Variants in MAMDC4 observed in about 807,000 individuals in gnomAD.
MAMDC4 encodes the protein MAM domain containing 4.
Under a neutral mutation model 153.3 loss-of-function variants are expected in MAMDC4, and 168 were observed. That is an observed-to-expected ratio of 1.10 (90% CI 0.97 to 1.25). The LOEUF (loss-of-function observed/expected upper bound fraction) is 1.25, where lower values mean the gene tolerates loss of function less well. MAMDC4 is among the 50% of genes most tolerant of loss of function. MAMDC4 has a pLI of 0.00. For missense variants in MAMDC4, 1,701 were observed against 1,542.8 expected, an observed-to-expected ratio of 1.10 and a Z score of -1.72; for synonymous variants, 744 against 651.5, an observed-to-expected ratio of 1.14 and a Z score of -2.16.
At position 136,853,592 on chromosome 9, in the gene MAMDC4, G is replaced by A. The variant is rs142181361; in HGVS notation, c.376G>A (p.Ala126Thr). 1.4e-4 allele frequency: 224 copies of A among 1,612,514 alleles called. No homozygotes were observed. The highest frequency in any genetic ancestry group is 1.7e-4 in the Non-Finnish European group (197 of 1,179,914). ...GTHRGKEASTAALRSPTLREA... is the reference protein window; with the variant it reads ...GTHRGKEASTTALRSPTLREA... The stretch of plus-strand genomic sequence containing the variant: ...CCACCGAGGGAAAGAGGCATCCACC[G>A]CAGCCCTGCGCTCGCCAACCCTGCG... The change falls in exon 4 of 27, where the codon GCA (alanine) becomes ACA (threonine). Residue 126 changes from alanine (A) to threonine (T), a missense_variant. Physicochemically the swap from Ala to Thr is moderately conservative, Grantham distance 58. Transcript: ENST00000317446.
intron 25 of MAMDC4, 113 bp downstream of exon 25, chr9:136,859,430 C>T (rs1234053089): frequency 5.2e-6 from 5 of 960,008 alleles, no homozygotes; most frequent in Non-Finnish European, 7.6e-6. Flanking sequence ...ATGCTGCACC[C>T]AGACAGGACA....
Position 136,856,827 on chromosome 9 carries a change from G to T in MAMDC4, c.1837+1G>T, listed in dbSNP as rs1486732604. On this transcript the variant is annotated splice_donor_variant, in intron 15 of 26. Transcript: ENST00000317446. LOFTEE classifies it high-confidence loss of function. The stretch of plus-strand genomic sequence containing the variant: ...GACCACGACCACACCACAGGCCAAG[G>T]TAGGATGGGCGCTCAGACCGGGGGT... 1 of 1,612,464 alleles carries T rather than the reference G, an allele frequency of 6.2e-7. No homozygotes were observed. The highest frequency in any genetic ancestry group is 8.5e-7 in the Non-Finnish European group (1 of 1,179,816).
chr9:136,858,943 C>T, intron 23 of MAMDC4, 62 bp from the exon 24 acceptor site: 3 of 1,524,578 alleles, frequency 2.0e-6, no homozygotes, highest in Non-Finnish European at 1.8e-6. Flanking sequence ...CCAGCCCGCC[C>T]CTGGTTAGGC....
intron 1 of MAMDC4, 27 bp from the exon 2 acceptor site, chr9:136,853,075 G>A: frequency 6.2e-7 from 1 of 1,604,828 alleles, no homozygotes; most frequent in Non-Finnish European, 8.5e-7. Flanking sequence ...CTGCCCCCAG[G>A]CCACCTGGCT....
rs766012995 is a variant in MAMDC4, at chr9:136,853,513, T to C, written c.329-32T>C. On this transcript the variant is annotated intron_variant, in intron 3 of 26. Coordinates refer to ENST00000317446, the MANE Select transcript of MAMDC4 (RefSeq NM_206920.3). ...CTGTCCCAATACCCTCCTTGCTCCC[T>C]GCCCCGTCTCCTGACCTCTCACCTG... 2.5e-6 allele frequency: 4 copies of C among 1,612,282 alleles called. No individual in the cohort carries two copies. In the East Asian group the frequency reaches 6.7e-5, roughly 27 times the overall value.
intron 14 of MAMDC4, chr9:136,856,465 T>A: frequency 1.3e-6 from 1 of 781,422 alleles, no homozygotes; most frequent in South Asian, 1.4e-5. Flanking sequence ...CCCATGAAGC[T>A]GGAGTTTGTC....
In MAMDC4 at chr9:136,858,162, G is replaced by GCTGCC. The variant is rs1185503422; in HGVS notation, c.2584-14_2584-10dup. On this transcript the variant is annotated intron_variant, in intron 20 of 26. Transcript: ENST00000317446. ...CCGAGGGCTGCCTGGACCCGCTGAG[G>GCTGCC]CTGCCCTGCCCTGCACCCGCCAGGT... 1.8e-5 allele frequency: 28 copies of GCTGCC among 1,557,178 alleles called. No individual in the cohort carries two copies. In the East Asian group the frequency reaches 6.4e-4, roughly 36 times the overall value.
At position 136,860,633 on chromosome 9, in the gene MAMDC4, C is replaced by G. The variant is rs200598980; in HGVS notation, c.*30C>G. On this transcript the variant is annotated 3_prime_UTR_variant, in exon 27 of 27. Transcript: ENST00000317446. The stretch of plus-strand genomic sequence containing the variant: ...CCCCAGACAAGGCCCCGCTTCCTCA[C>G]GTGACATCCAGCACTTGGTCAGACC... 1.2e-6 allele frequency: 2 copies of G among 1,612,866 alleles called. No individual in the cohort carries two copies. Among genetic ancestry groups the G allele is most frequent in the Admixed American group, 1.7e-5 (1 of 59,980 alleles).
chr9:136,852,649 T>C (rs1035563417), intron 1 of MAMDC4, among the ~76,000 whole-genome samples, 187 bp downstream of exon 1: 7 of 152,124 alleles, frequency 4.6e-5, no homozygotes, highest in Admixed American at 2.6e-4. Flanking sequence ...TCCTCGGGCC[T>C]GCCAAGCAAA....
Position 136,854,681 on chromosome 9 carries a change from G to A in MAMDC4, c.934+5G>A. 1 of 1,611,004 alleles carries A rather than the reference G, an allele frequency of 6.2e-7. No individual in the cohort carries two copies. Among genetic ancestry groups the A allele is most frequent in the Non-Finnish European group, 8.5e-7 (1 of 1,179,214 alleles). ...ACAGCCGGAACAGTGCACAGGGTGA[G>A]GCCCACAGAGGACCCGGCCCAGGCC... is the stretch of plus-strand genomic sequence containing the variant. On this transcript the variant is annotated splice_donor_5th_base_variant and intron_variant, in intron 8 of 26. Coordinates refer to ENST00000317446, the MANE Select transcript of MAMDC4 (RefSeq NM_206920.3).
rs778738351 is a variant in MAMDC4 at position 136,857,434 on chromosome 9, C to T, written c.2174C>T (p.Pro725Leu). 33 of 1,608,208 alleles carry T rather than the reference C, an allele frequency of 2.1e-5. No homozygotes were observed. Among genetic ancestry groups the T allele is most frequent in the South Asian group, 7.7e-5 (7 of 91,094 alleles). ...TMALDDVAVR[P>L]GPCWAPNYCS... ...GCGCTGGACGATGTGGCCGTGCGGCCGGGCCCCTGCTGGGCCCCTAATTAC... is the reference window on the plus strand; with the variant it reads ...GCGCTGGACGATGTGGCCGTGCGGCTGGGCCCCTGCTGGGCCCCTAATTAC... The change falls in exon 18 of 27, where the codon CCG (proline) becomes CTG (leucine). Residue 725 changes from proline (P) to leucine (L), a missense_variant. Physicochemically the swap from Pro to Leu is moderately conservative, Grantham distance 98 (BLOSUM62 -3). Coordinates refer to ENST00000317446, the MANE Select transcript of MAMDC4 (RefSeq NM_206920.3).
At position 136,857,372 on chromosome 9, in the gene MAMDC4, G is replaced by A. The variant is rs756808641; in HGVS notation, c.2112G>A (p.Leu704=). ...CTGACACCCTCCACCCCCAGCTGCT[G>A]TTCGAGGGCCTCCGGGACGGATACC... ...QPGSHAQYQL[L]FEGLRDGYHG... is the part of the protein sequence containing the mutation. Residue 704 remains leucine, a synonymous_variant, in exon 18 of 27, where the codon CTG becomes CTA. Transcript: ENST00000317446. 4 of 1,608,304 alleles carry A rather than the reference G, an allele frequency of 2.5e-6. No individual in the cohort carries two copies. The highest frequency in any genetic ancestry group is 2.2e-5 in the East Asian group (1 of 44,870).
rs780899078 is a variant in MAMDC4, at chr9:136,856,014, C to T, written c.1589-4C>T. The T allele has an allele frequency of 1.6e-5, 26 of 1,609,054 alleles. No individual in the cohort carries two copies. In the Admixed American group the frequency reaches 4.2e-4, roughly 26 times the overall value. On this transcript the variant is annotated splice_region_variant and splice_polypyrimidine_tract_variant and intron_variant, in intron 13 of 26. Transcript: ENST00000317446. ...AGGCTCTGAGCACCATGCTCTTCCC[C>T]TAGGGCACTTCCTGTCTCTGCAGCG...
At chr9:136,857,939 C>T in intron 19 of MAMDC4, 40 bp from the exon 20 acceptor site, 1 of 1,474,882 alleles carries the variant, frequency 6.8e-7, no homozygotes, top group Non-Finnish European at 9.0e-7. Flanking sequence ...CCTGCAGGTG[C>T]TCTCCCCACA....
At position 136,858,554 on chromosome 9, in the gene MAMDC4, C is replaced by T. The variant is rs769448238; in HGVS notation, c.2821+8C>T. 1 of 1,564,406 alleles carries T rather than the reference C, an allele frequency of 6.4e-7. No homozygotes were observed. The highest frequency in any genetic ancestry group is 2.3e-5 in the East Asian group (1 of 43,294). The stretch of plus-strand genomic sequence containing the variant: ...CCCTGGGCACAGAGGCAGGTACGTG[C>T]CCACTGGAGCCAGGTGGGGAGGCAC... On this transcript the variant is annotated splice_region_variant and intron_variant, in intron 22 of 26. Coordinates refer to ENST00000317446, the MANE Select transcript of MAMDC4 (RefSeq NM_206920.3).
In MAMDC4 at chr9:136,859,156, G is replaced by A. The variant is rs760002540; in HGVS notation, c.3084+24G>A. 18 of 1,585,196 alleles carry A rather than the reference G, an allele frequency of 1.1e-5. No individual in the cohort carries two copies. The Admixed American group carries it at 3.1e-4, about 28-fold the overall frequency. Reference sequence around the variant, plus strand: ...AGGTGAGGCTGGCTGTGGGCAAGGAGCCTCCTCCTCCTCCACCCAGGGCCC... The same window carrying A: ...AGGTGAGGCTGGCTGTGGGCAAGGAACCTCCTCCTCCTCCACCCAGGGCCC... On this transcript the variant is annotated intron_variant, in intron 24 of 26. Transcript: ENST00000317446.
chr9:136,858,064 C>T lies in MAMDC4; in HGVS notation c.2550C>T (p.Gly850=), dbSNP rs1426415849. The T allele has an allele frequency of 2.6e-6, 4 of 1,530,242 alleles. No individual in the cohort carries two copies. The East Asian group carries it at 7.4e-5, about 28-fold the overall frequency. 94.8% of individuals were successfully genotyped at this position (1,530,242 alleles called of 1,614,324 possible). The part of the protein sequence containing the change: ...SAHGGLAWRL[G]SMDVQAERAW... ...ACGGCGGGCTTGCCTGGCGCCTGGG[C>T]AGCATGGACGTGCAGGCCGAGCGAG... Residue 850 remains glycine, a synonymous_variant, in exon 20 of 27, where the codon GGC becomes GGT. Transcript: ENST00000317446.
intron 13 of MAMDC4, 60 bp downstream of exon 13, chr9:136,855,908 G>A (rs776422029): frequency 5.7e-5 from 85 of 1,498,046 alleles, no homozygotes; most frequent in Non-Finnish European, 7.1e-5. Flanking sequence ...TCCTCAGAGG[G>A]GTCTCTGCTC....
chr9:136,857,432 G>T lies in MAMDC4; in HGVS notation c.2172G>T (p.Arg724=). ...TGGCGCTGGACGATGTGGCCGTGCGGCCGGGCCCCTGCTGGGCCCCTAATT... is the reference window on the plus strand; with the variant it reads ...TGGCGCTGGACGATGTGGCCGTGCGTCCGGGCCCCTGCTGGGCCCCTAATT... ...GTMALDDVAV[R]PGPCWAPNYC... Residue 724 remains arginine, a synonymous_variant, in exon 18 of 27, where the codon CGG becomes CGT. Transcript: ENST00000317446. 1.2e-6 allele frequency: 2 copies of T among 1,608,308 alleles called. No individual in the cohort carries two copies.
Sources: gnomAD v4.1 joint callset for allele counts (sites outside exome capture counted in the v4.1 genomes callset) on GRCh38, gnomAD v4.1.1 for gene constraint, MANE v1.5 for transcripts, NCBI Gene and HGNC (gene_info 2026-07-23, HGNC 2026-07-21) for gene names.